The following DTWD2 variants were observed in gnomAD, a reference collection of about 807,000 sequenced individuals.
DTWD2 encodes the protein tRNA-uridine aminocarboxypropyltransferase 2.
Under a neutral mutation model 31.8 loss-of-function variants are expected in DTWD2, and 39 were observed. That is an observed-to-expected ratio of 1.22 (90% CI 0.95 to 1.60). The LOEUF is 1.60. Among genes scored for constraint, DTWD2 ranks in the 40% most tolerant of loss-of-function variants. The pLI is 0.00. For synonymous variants in DTWD2, 180 were observed against 142.8 expected, an observed-to-expected ratio of 1.26 and a Z score of -1.86; for missense variants, 515 against 381.5, an observed-to-expected ratio of 1.35 and a Z score of -2.92.
intron 4 of DTWD2, among the ~76,000 whole-genome samples, chr5:118,918,580 C>T (rs568525537): frequency 6.2e-4 from 94 of 152,060 alleles, no homozygotes; most frequent in African/African-American, 2.1e-3. Context: ...CTGAAGCTAC[C>T]ACAGAAGGCC....
At chr5:118,900,457 AAAG>A (rs1753179907) in intron 4 of DTWD2, among the ~76,000 whole-genome samples, 1 of 152,250 alleles carries the variant, frequency 6.6e-6, no homozygotes, top group Non-Finnish European at 1.5e-5. Context: ...GGAATGAAGA[AAAG>A]AAGTATAAAG....
chr5:118,884,196 A>ATCTGTGCTTT (rs1414106844), intron 4 of DTWD2, among the ~76,000 whole-genome samples: 2 of 152,180 alleles, frequency 1.3e-5, no homozygotes, highest in African/African-American at 4.8e-5. Flanking sequence ...TCACTAACAG[A>ATCTGTGCTTT]TCTGTGCTTT....
At chr5:118,882,978 T>C (rs1265633573) in intron 4 of DTWD2, among the ~76,000 whole-genome samples, 1 of 152,258 alleles carries the variant, frequency 6.6e-6, no homozygotes, top group Non-Finnish European at 1.5e-5. Flanking sequence ...TCCCACCTCA[T>C]GGTCAGGCCG....
chr5:118,881,726 CAATAGA>C (rs1463886682), intron 4 of DTWD2, among the ~76,000 whole-genome samples: 2 of 151,954 alleles, frequency 1.3e-5, no homozygotes, highest in East Asian at 3.9e-4. Context: ...AGAGAGAGCA[CAATAGA>C]AAACTGCCAC....
intron 1 of DTWD2, among the ~76,000 whole-genome samples, chr5:118,969,043 C>T (rs1206819153): frequency 2.0e-5 from 3 of 152,184 alleles, no homozygotes; most frequent in Non-Finnish European, 4.4e-5. Context: ...CACAACACAG[C>T]AGACTGTGGT....
At chr5:118,898,416 G>C (rs1753129157) in intron 4 of DTWD2, among the ~76,000 whole-genome samples, 1 of 151,814 alleles carries the variant, frequency 6.6e-6, no homozygotes, top group African/African-American at 2.4e-5. Flanking sequence ...CCAGCACTTT[G>C]GGAGGCTGAG....
intron 3 of DTWD2, among the ~76,000 whole-genome samples, chr5:118,937,596 G>C (rs1202390730): frequency 6.6e-6 from 1 of 152,068 alleles, no homozygotes; most frequent in African/African-American, 2.4e-5. Flanking sequence ...CATAGCTGCT[G>C]ACCACAATAA....
At chr5:118,886,775 G>GA (rs1285050450) in intron 4 of DTWD2, among the ~76,000 whole-genome samples, 1 of 152,128 alleles carries the variant, frequency 6.6e-6, no homozygotes, top group Non-Finnish European at 1.5e-5. Flanking sequence ...AACTGCATGT[G>GA]AATCTACAAT....
intron 5 of DTWD2, among the ~76,000 whole-genome samples, chr5:118,841,606 C>G (rs576351877): frequency 6.6e-6 from 1 of 152,238 alleles, no homozygotes; most frequent in Admixed American, 6.5e-5. Context: ...GGTCTTGGTG[C>G]GTTTGAAATT....
intron 4 of DTWD2, among the ~76,000 whole-genome samples, chr5:118,895,536 A>C (rs1753066531): frequency 6.6e-6 from 1 of 152,232 alleles, no homozygotes; most frequent in African/African-American, 2.4e-5. Flanking sequence ...GGAACCACAA[A>C]AGATGGTGAA....
chr5:118,938,433 T>G (rs1754092286), intron 3 of DTWD2, among the ~76,000 whole-genome samples: 1 of 152,216 alleles, frequency 6.6e-6, no homozygotes, highest in Non-Finnish European at 1.5e-5. Context: ...AAAAGCAGTA[T>G]GTCTCTTAAT....
At chr5:118,915,830 G>A (rs1409673749) in intron 4 of DTWD2, among the ~76,000 whole-genome samples, 1 of 152,116 alleles carries the variant, frequency 6.6e-6, no homozygotes, top group Non-Finnish European at 1.5e-5. Context: ...CTAGTCCTCT[G>A]GTTACCCTTG....
chr5:118,854,790 T>C (rs1752092351), intron 4 of DTWD2, among the ~76,000 whole-genome samples: 1 of 152,166 alleles, frequency 6.6e-6, no homozygotes, highest in South Asian at 2.1e-4. Context: ...CATTCATATG[T>C]TTCTAAAATA....
chr5:118,969,364 T>C (rs551988047), intron 1 of DTWD2, among the ~76,000 whole-genome samples: 1 of 152,324 alleles, frequency 6.6e-6, no homozygotes, highest in East Asian at 1.9e-4. Flanking sequence ...CCTGATCCTG[T>C]TCCCCCTGAC....
chr5:118,975,617 T>G (rs1001954547), intron 1 of DTWD2, among the ~76,000 whole-genome samples: 3 of 152,224 alleles, frequency 2.0e-5, no homozygotes, highest in South Asian at 2.1e-4. Flanking sequence ...TTCTGGTTTT[T>G]GGGATTTTCA....
In DTWD2 at chr5:118,854,990, C is replaced by G. The variant is rs189571489; in HGVS notation, c.598-6772G>C. ...AAGAGTTTGAGACTAGCCTGGGCAA[C>G]AGGCCAGTGCCCAGGTATTAGCCAT... On this transcript the variant is annotated intron_variant, in intron 4 of 5. Coordinates refer to ENST00000510708, the MANE Select transcript of DTWD2 (RefSeq NM_173666.4). 4.2e-3 allele frequency among the ~76,000 whole-genome samples: 634 copies of G among 151,720 alleles called. 9 individuals carry two copies. Among genetic ancestry groups the G allele is most frequent in the East Asian group, 0.03 (151 of 5,064 alleles).
At chr5:118,909,620 T>C (rs991740002) in intron 4 of DTWD2, among the ~76,000 whole-genome samples, 1 of 152,196 alleles carries the variant, frequency 6.6e-6, no homozygotes, top group Non-Finnish European at 1.5e-5. Flanking sequence ...TGCACACTGC[T>C]GCAATCAGAC....
intron 4 of DTWD2, among the ~76,000 whole-genome samples, chr5:118,850,013 CATA>C (rs1751960602): frequency 6.9e-6 from 1 of 145,056 alleles, no homozygotes. Flanking sequence ...GAACTTAGAG[CATA>C]ATAATAATAA....
intron 5 of DTWD2, among the ~76,000 whole-genome samples, chr5:118,845,438 G>T (rs533850174): frequency 6.6e-6 from 1 of 152,176 alleles, no homozygotes; most frequent in Non-Finnish European, 1.5e-5. Context: ...TGGATGTGGG[G>T]TTCCCCCACT....
Sources: gnomAD v4.1 joint callset for allele counts (sites outside exome capture counted in the v4.1 genomes callset) on GRCh38, gnomAD v4.1.1 for gene constraint, MANE v1.5 for transcripts, NCBI Gene and HGNC (gene_info 2026-07-23, HGNC 2026-07-21) for gene names.